The following KIAA2012 variants were observed in gnomAD, a reference collection of about 807,000 sequenced individuals.
KIAA2012 encodes the protein uncharacterized protein KIAA2012.
KIAA2012 carries 125 observed loss-of-function variants against 150.6 expected under a neutral mutation model. The observed-to-expected ratio is 0.83, with a 90% CI of 0.72 to 0.96. The LOEUF is 0.96. KIAA2012 is among the 40% of genes least tolerant of loss of function. The pLI, the probability that KIAA2012 is intolerant of heterozygous loss-of-function variation, is 0.00. For synonymous variants in KIAA2012, 462 were observed against 504.7 expected (o/e 0.92, Z 1.13); for missense variants, 1,219 against 1,354.9 (o/e 0.90, Z 1.57).
chr2:202,184,967 C>T lies in KIAA2012; in HGVS notation c.2210+124C>T, dbSNP rs1055904285. ...GTTCTCAGCTGACAGTATGCTCTAA[C>T]AGCCAAAATTAAATGGTTGTCTAAG... On this transcript the variant is annotated intron_variant, in intron 16 of 23. Transcript: ENST00000498697. 9.4e-6 allele frequency: 6 copies of T among 641,530 alleles called. No individual in the cohort carries two copies. The African/African-American group carries it at 1.1e-4, about 12-fold the overall frequency. 39.7% of individuals were successfully genotyped at this position (641,530 alleles called of 1,614,324 possible).
chr2:202,159,993 G>A (rs1468147458), intron 14 of KIAA2012, among the ~76,000 whole-genome samples: 4 of 152,178 alleles, frequency 2.6e-5, no homozygotes, highest in African/African-American at 9.7e-5. Flanking sequence ...CCTGCTAAGG[G>A]CCAGGCCCCT....
chr2:202,161,094 G>A (rs1034777584), intron 14 of KIAA2012, among the ~76,000 whole-genome samples: 4 of 152,152 alleles, frequency 2.6e-5, no homozygotes, highest in Admixed American at 6.5e-5. Context: ...AGCATCTGTC[G>A]GTTTCCAGTT....
chr2:202,175,539 T>C (rs1338517952), intron 15 of KIAA2012, among the ~76,000 whole-genome samples: 1 of 152,198 alleles, frequency 6.6e-6, no homozygotes, highest in Non-Finnish European at 1.5e-5. Context: ...TTAGTGCCTT[T>C]ACAAAAGAGG....
intron 15 of KIAA2012, among the ~76,000 whole-genome samples, chr2:202,173,123 G>A (rs76552560): frequency 0.098 from 14,876 of 152,218 alleles, 918 homozygotes; most frequent in South Asian, 0.24. Flanking sequence ...GAAGTCCCCC[G>A]GGAAGTCCCC....
chr2:202,079,377 G>A (rs1467092126), intron 2 of KIAA2012, among the ~76,000 whole-genome samples: 1 of 152,162 alleles, frequency 6.6e-6, no homozygotes, highest in Non-Finnish European at 1.5e-5. Flanking sequence ...GGAAAAAGGG[G>A]TAGAGTAATA....
chr2:202,181,956 T>G (rs1692128966), intron 15 of KIAA2012, among the ~76,000 whole-genome samples: 2 of 152,130 alleles, frequency 1.3e-5, no homozygotes, highest in Non-Finnish European at 2.9e-5. Context: ...ACAATATTCA[T>G]CACTCCCAAA....
At position 202,109,636 on chromosome 2, in the gene KIAA2012, G is replaced by A; in HGVS notation, c.1498G>A (p.Val500Met). The change falls in exon 10 of 24, where the codon GTG becomes ATG. Residue 500 changes from valine (V) to methionine (M), a missense_variant. Transcript: ENST00000498697. ...AGATGATGATGCCCCACCTCACGAT[G>A]TGGCCCCACCATTGGATCTTCTACC... ...PQDDDAPPHDVAPPLDLLPPI... is the reference protein window; with the variant it reads ...PQDDDAPPHDMAPPLDLLPPI... The A allele has an allele frequency of 1.9e-6, 3 of 1,539,010 alleles. No individual in the cohort carries two copies. Among genetic ancestry groups the A allele is most frequent in the Non-Finnish European group, 2.6e-6 (3 of 1,143,556 alleles).
intron 8 of KIAA2012, among the ~76,000 whole-genome samples, chr2:202,103,886 G>A (rs564450641): frequency 2.0e-5 from 3 of 152,316 alleles, no homozygotes; most frequent in East Asian, 3.9e-4. Context: ...TAGTACTCTT[G>A]TTTAAGACAC....
In KIAA2012 at chr2:202,171,562, C is replaced by T. The variant is rs1025352485; in HGVS notation, c.2119+6206C>T. 1.3e-5 allele frequency among the ~76,000 whole-genome samples: 2 copies of T among 152,192 alleles called. 1 individual carries two copies. Among genetic ancestry groups the T allele is most frequent in the Admixed American group, 1.3e-4 (2 of 15,284 alleles). On this transcript the variant is annotated intron_variant, in intron 15 of 23. Transcript: ENST00000498697. ...GGGCTCTCCCCGAAGGGTCACTTCT[C>T]CGAGTGTGTCGCCTCCTTTAGTCTT...
intron 12 of KIAA2012, among the ~76,000 whole-genome samples, chr2:202,126,642 TGG>T (rs1690797459): frequency 6.8e-6 from 1 of 146,562 alleles, no homozygotes; most frequent in East Asian, 2.1e-4. Context: ...GTGGTGGTGG[TGG>T]TGGTGGTGGT....
intron 13 of KIAA2012, among the ~76,000 whole-genome samples, chr2:202,140,613 C>T (rs116694265): frequency 2.4e-3 from 364 of 152,292 alleles, no homozygotes; most frequent in African/African-American, 8.2e-3. Flanking sequence ...AGGCTAATGG[C>T]CTCTTATTAG....
At chr2:202,202,913 T>C (rs1022571994) in intron 23 of KIAA2012, among the ~76,000 whole-genome samples, 7 of 148,416 alleles carry the variant, frequency 4.7e-5, no homozygotes, top group Non-Finnish European at 8.9e-5. Context: ...GGTGACAGAG[T>C]GGGACCCTGT....
chr2:202,177,701 T>G (rs1692025482), intron 15 of KIAA2012, among the ~76,000 whole-genome samples: 1 of 152,190 alleles, frequency 6.6e-6, no homozygotes, highest in Admixed American at 6.5e-5. Context: ...ACCCTTTTTA[T>G]AGCAGCATTA....
intron 15 of KIAA2012, among the ~76,000 whole-genome samples, chr2:202,169,072 G>T (rs905821384): frequency 2.0e-5 from 3 of 152,148 alleles, no homozygotes; most frequent in African/African-American, 7.2e-5. Context: ...GGCAGGCAGG[G>T]GGTCCCTGGG....
intron 15 of KIAA2012, among the ~76,000 whole-genome samples, chr2:202,180,764 G>C (rs1466333653): frequency 6.6e-6 from 1 of 152,208 alleles, no homozygotes; most frequent in Non-Finnish European, 1.5e-5. Flanking sequence ...GGTAGAGGTT[G>C]TAGTGAGCCG....
intron 2 of KIAA2012, among the ~76,000 whole-genome samples, chr2:202,081,944 C>A (rs893518499): frequency 2.6e-5 from 4 of 152,042 alleles, no homozygotes; most frequent in East Asian, 1.9e-4. Context: ...ACCCTCTGAA[C>A]CTCGTTACAA....
chr2:202,132,561 G>T (rs976583762), intron 12 of KIAA2012, among the ~76,000 whole-genome samples: 1 of 151,284 alleles, frequency 6.6e-6, no homozygotes, highest in Admixed American at 6.6e-5. Context: ...CAGCTACGCG[G>T]GAGGGGTACA....
At chr2:202,132,881 G>A (rs1245213453) in intron 12 of KIAA2012, among the ~76,000 whole-genome samples, 1 of 137,632 alleles carries the variant, frequency 7.3e-6, no homozygotes, top group African/African-American at 2.7e-5. Flanking sequence ...TGGATCACGA[G>A]GTCAGGAGAT....
At chr2:202,151,257 C>G (rs546154023) in intron 13 of KIAA2012, among the ~76,000 whole-genome samples, 1 of 152,078 alleles carries the variant, frequency 6.6e-6, no homozygotes, top group African/African-American at 2.4e-5. Flanking sequence ...ATTAGCCGGG[C>G]ATGGTGGCAC....
Sources: gnomAD v4.1 joint callset for allele counts (sites outside exome capture counted in the v4.1 genomes callset) on GRCh38, gnomAD v4.1.1 for gene constraint, MANE v1.5 for transcripts, NCBI Gene and HGNC (gene_info 2026-07-23, HGNC 2026-07-21) for gene names.